CMBL: variants seen among roughly 807,000 people sequenced by gnomAD.
CMBL encodes carboxymethylenebutenolidase homolog.
In CMBL, 17 loss-of-function variants were observed where a neutral mutation model predicts 28.7. The ratio of observed to expected loss-of-function variants is 0.59; its 90% CI spans 0.41 to 0.89. The LOEUF is 0.89. CMBL is among the 40% of genes least tolerant of loss of function. CMBL has a pLI of 0.00. For missense variants in CMBL, 310 were observed against 298.5 expected (o/e 1.04, Z -0.28); for synonymous variants, 106 against 101.6 (o/e 1.04, Z -0.26).
intron 5 of CMBL, among the ~76,000 whole-genome samples, 164 bp downstream of exon 5, chr5:10,282,033 G>A (rs186345760): frequency 4.4e-4 from 67 of 152,176 alleles, no homozygotes; most frequent in African/African-American, 1.5e-3. Context: ...GGTGGTGGGC[G>A]CCTGTAGTCC....
chr5:10,292,878 C>T (rs959109992), intron 1 of CMBL, among the ~76,000 whole-genome samples: 2 of 144,826 alleles, frequency 1.4e-5, no homozygotes, highest in Non-Finnish European at 3.1e-5. Context: ...GAACTAGGAA[C>T]ACTAAACCCA....
chr5:10,290,738 G>C lies in CMBL; in HGVS notation c.25C>G (p.Pro9Ala). The C allele has an allele frequency of 6.2e-7, 1 of 1,614,192 alleles. No homozygotes were observed. The highest frequency in any genetic ancestry group is 8.5e-7 in the Non-Finnish European group (1 of 1,180,036). MANEAYPC[P>A]CDIGHRLEYG... ...TCAAGTCTGTGGCCAATGTCACACGGACAAGGATAAGCTTCGTTAGCCATT... is the reference window on the plus strand; with the variant it reads ...TCAAGTCTGTGGCCAATGTCACACGCACAAGGATAAGCTTCGTTAGCCATT... The change falls in exon 2 of 6, where the codon CCG (proline) becomes GCG (alanine). Residue 9 changes from proline to alanine, a missense_variant. Coordinates refer to ENST00000296658, the MANE Select transcript of CMBL (RefSeq NM_138809.4).
intron 3 of CMBL, among the ~76,000 whole-genome samples, chr5:10,287,136 G>A (rs935472337): frequency 1.3e-5 from 2 of 152,182 alleles, no homozygotes; most frequent in Non-Finnish European, 2.9e-5. Context: ...CTGATTGTTT[G>A]GAACTCAGAA....
At chr5:10,288,314 G>T in intron 3 of CMBL, 108 bp downstream of exon 3, 1 of 803,396 alleles carries the variant, frequency 1.2e-6, no homozygotes, top group Non-Finnish European at 2.1e-6. Flanking sequence ...ATTGGCCATG[G>T]AGAAGTCCTA....
chr5:10,300,848 T>C (rs994650559), intron 1 of CMBL, among the ~76,000 whole-genome samples: 8 of 147,678 alleles, frequency 5.4e-5, no homozygotes, highest in African/African-American at 2.0e-4. Flanking sequence ...TATATATTTA[T>C]ATTTTTTATA....
chr5:10,282,271 C>T lies in CMBL; in HGVS notation c.484G>A (p.Glu162Lys), dbSNP rs753995238. ...VSVYGIVKDSEDIYNLKNPTL... is the reference protein window; with the variant it reads ...VSVYGIVKDSKDIYNLKNPTL... ...GGGTTCTTTAAATTGTAAATGTCTT[C>T]AGAATCCTTGACAATGCCTGAAAAA... The change falls in exon 5 of 6, where the codon GAA becomes AAA. Residue 162 changes from glutamate (E) to lysine (K), a missense_variant. Transcript: ENST00000296658. 4.3e-6 allele frequency: 7 copies of T among 1,610,578 alleles called. No individual in the cohort carries two copies. The highest frequency in any genetic ancestry group is 5.9e-6 in the Non-Finnish European group (7 of 1,176,706).
chr5:10,297,142 G>A (rs912893175), intron 1 of CMBL, among the ~76,000 whole-genome samples: 10 of 149,982 alleles, frequency 6.7e-5, no homozygotes, highest in Non-Finnish European at 1.3e-4. Context: ...CCGAGATCAC[G>A]CCATTGCACT....
rs1006491917 is a variant in CMBL, at chr5:10,277,817, G to A, written c.*2636C>T. Among the ~76,000 whole-genome samples, 3 of 152,220 alleles carry A rather than the reference G, an allele frequency of 2.0e-5. No homozygotes were observed. The highest frequency in any genetic ancestry group is 4.8e-5 in the African/African-American group (2 of 41,462). ...ACATTTGACCAAAGGACTCAGCAGA[G>A]GGAAGGCTGCCCAGGCCCCAAGCTC... On this transcript the variant is annotated 3_prime_UTR_variant, in exon 6 of 6. Transcript: ENST00000296658.
At chr5:10,291,626 A>C (rs1579473910) in intron 1 of CMBL, among the ~76,000 whole-genome samples, 1 of 151,424 alleles carries the variant, frequency 6.6e-6, no homozygotes, top group East Asian at 1.9e-4. Context: ...GCGCCACTGC[A>C]CTCCAGCCTG....
intron 1 of CMBL, among the ~76,000 whole-genome samples, chr5:10,304,606 C>T (rs978239685): frequency 2.6e-5 from 4 of 152,196 alleles, no homozygotes; most frequent in Admixed American, 2.6e-4. Flanking sequence ...TTATGAAACT[C>T]ATCATTCTTT....
At position 10,290,535 on chromosome 5, in the gene CMBL, A is replaced by G; in HGVS notation, c.215+13T>C. On this transcript the variant is annotated intron_variant, in intron 2 of 5. Coordinates refer to ENST00000296658, the MANE Select transcript of CMBL (RefSeq NM_138809.4). The stretch of plus-strand genomic sequence containing the variant: ...GTATGAATTTAAACAAAGAAACACA[A>G]CTTTATACATACGTGTATCCATTTC... 1 of 1,602,720 alleles carries G rather than the reference A, an allele frequency of 6.2e-7. No homozygotes were observed. The highest frequency in any genetic ancestry group is 1.1e-5 in the South Asian group (1 of 90,836).
At chr5:10,288,835 G>T (rs539752310) in intron 2 of CMBL, among the ~76,000 whole-genome samples, 1 of 152,192 alleles carries the variant, frequency 6.6e-6, no homozygotes, top group Non-Finnish European at 1.5e-5. Flanking sequence ...GGCACCTGGG[G>T]GAGTGGGCCT....
chr5:10,284,252 A>G (rs1361707735), intron 4 of CMBL, among the ~76,000 whole-genome samples: 2 of 152,244 alleles, frequency 1.3e-5, no homozygotes, highest in Non-Finnish European at 2.9e-5. Context: ...TGGACAAAGC[A>G]TCTCTCAGCT....
rs1746665961 is a variant in CMBL, at chr5:10,289,554, A to C, written c.215+994T>G. Among the ~76,000 whole-genome samples the C allele has an allele frequency of 6.6e-6, 1 of 152,234 alleles. No individual in the cohort carries two copies. Among genetic ancestry groups the C allele is most frequent in the Non-Finnish European group, 1.5e-5 (1 of 68,038 alleles). On this transcript the variant is annotated intron_variant, in intron 2 of 5. Transcript: ENST00000296658. The surrounding 1 kb of genome is among the most constrained non-coding windows in gnomAD (Gnocchi z 4.3). ...GTTTCCTAATCTGCAAAATGAGAGC[A>C]ATAACAGCTCCTCCCTCAAGGGGCT...
intron 2 of CMBL, among the ~76,000 whole-genome samples, chr5:10,288,834 G>A (rs3797195): frequency 0.017 from 2,528 of 152,304 alleles, 121 homozygotes; most frequent in East Asian, 0.14. Flanking sequence ...AGGCACCTGG[G>A]GGAGTGGGCC....
Position 10,282,197 on chromosome 5 carries a change from G to A in CMBL, c.558C>T (p.Asp186=), listed in dbSNP as rs201168993. 5.2e-5 allele frequency: 83 copies of A among 1,597,208 alleles called. No homozygotes were observed. Among genetic ancestry groups the A allele is most frequent in the South Asian group, 1.2e-4 (11 of 90,734 alleles). Residue 186 remains aspartate (D), a splice_region_variant and synonymous_variant, in exon 5 of 6, where the codon GAC becomes GAT. Coordinates refer to ENST00000296658, the MANE Select transcript of CMBL (RefSeq NM_138809.4). Reference sequence around the variant, plus strand: ...ACGAAGAGAAAAGATGCCAACTTACGTCCTTGAGTGGAATCACAACATCAT... The same window carrying A: ...ACGAAGAGAAAAGATGCCAACTTACATCCTTGAGTGGAATCACAACATCAT... ...AENDVVIPLK[D]VSLLTQKLKE...
intron 4 of CMBL, among the ~76,000 whole-genome samples, chr5:10,283,052 T>G (rs1387109050): frequency 6.9e-6 from 1 of 145,442 alleles, no homozygotes; most frequent in East Asian, 2.0e-4. Flanking sequence ...ATCATGCCAT[T>G]GCACTCCAGC....
In CMBL at chr5:10,286,409, A is replaced by G; in HGVS notation, c.411T>C (p.Ala137=). Residue 137 remains alanine (A), a synonymous_variant, in exon 4 of 6, where the codon GCT becomes GCC. Coordinates refer to ENST00000296658, the MANE Select transcript of CMBL (RefSeq NM_138809.4). ...AGTATTTCATCATCAAATGATGGAC[A>G]GCAGTTCCACCCCAGCAGAATCCCA... The part of the protein sequence containing the change: ...GIVGFCWGGT[A]VHHLMMKYSE... 3 of 1,614,102 alleles carry G rather than the reference A, an allele frequency of 1.9e-6. No homozygotes were observed. The highest frequency in any genetic ancestry group is 2.5e-6 in the Non-Finnish European group (3 of 1,179,956).
At chr5:10,293,992 G>A (rs889991496) in intron 1 of CMBL, among the ~76,000 whole-genome samples, 1 of 152,212 alleles carries the variant, frequency 6.6e-6, no homozygotes, top group Non-Finnish European at 1.5e-5. Flanking sequence ...TTGTTGGAAA[G>A]GCACCATTTG....
Sources: gnomAD v4.1 joint callset for allele counts (sites outside exome capture counted in the v4.1 genomes callset) on GRCh38, gnomAD v4.1.1 for gene constraint, Gnocchi (gnomAD v3.1) non-coding constraint, MANE v1.5 for transcripts, NCBI Gene and HGNC (gene_info 2026-07-23, HGNC 2026-07-21) for gene names.